Variants in PDE5A observed in about 807,000 individuals in gnomAD.
PDE5A encodes cGMP-specific 3',5'-cyclic phosphodiesterase.
A neutral mutation model predicts 110.2 loss-of-function variants in PDE5A; 67 were observed. That is an observed-to-expected ratio of 0.61 (90% CI 0.50 to 0.75). PDE5A has a LOEUF of 0.75. Ranked by LOEUF, PDE5A falls within the 30% of genes least tolerant of loss-of-function variation. The pLI is 0.00. For missense variants in PDE5A, 862 were observed against 1,045.1 expected (o/e 0.82, Z 2.42); for synonymous variants, 328 against 351.2 (o/e 0.93, Z 0.74).
intron 18 of PDE5A, 57 bp from the exon 19 acceptor site, chr4:119,502,712 A>G: frequency 8.6e-7 from 1 of 1,158,134 alleles, no homozygotes; most frequent in Non-Finnish European, 1.3e-6. Context: ...TCTTTAAAAC[A>G]GAGACCGTGA....
chr4:119,567,018 T>C (rs1464469571), intron 4 of PDE5A, 55 bp downstream of exon 4: 2 of 1,231,428 alleles, frequency 1.6e-6, no homozygotes, highest in East Asian at 2.3e-5. Flanking sequence ...GTGTATATAC[T>C]ATAAAGAGAA....
intron 1 of PDE5A, among the ~76,000 whole-genome samples, chr4:119,626,092 A>G (rs1320119101): frequency 6.6e-6 from 1 of 152,242 alleles, no homozygotes; most frequent in African/African-American, 2.4e-5. Flanking sequence ...ACATATATAT[A>G]TCACAGAAAG....
At chr4:119,556,355 T>C (rs183067236) in intron 7 of PDE5A, among the ~76,000 whole-genome samples, 149 of 152,232 alleles carry the variant, frequency 9.8e-4, no homozygotes, top group African/African-American at 3.4e-3. Flanking sequence ...CCCATCCTAC[T>C]GTTTAAAATG....
At chr4:119,626,972 C>T (rs1730369832) in intron 1 of PDE5A, among the ~76,000 whole-genome samples, 1 of 151,918 alleles carries the variant, frequency 6.6e-6, no homozygotes, top group South Asian at 2.1e-4. Context: ...AATTTAAGAC[C>T]CTTATTAATA....
At chr4:119,502,490 T>G (rs3733521) in intron 19 of PDE5A, 91 bp downstream of exon 19, 10,944 of 722,212 alleles carry the variant, frequency 0.015, 503 homozygotes, top group East Asian at 0.14. Flanking sequence ...ATTGTGGTCC[T>G]AAGGAAAGAT....
At chr4:119,589,589 G>A (rs1205331625) in intron 3 of PDE5A, among the ~76,000 whole-genome samples, 1 of 152,116 alleles carries the variant, frequency 6.6e-6, no homozygotes, top group Non-Finnish European at 1.5e-5. Context: ...AAATTTAATA[G>A]CAGCCGTAAA....
chr4:119,511,332 T>C (rs1304108314), intron 14 of PDE5A, among the ~76,000 whole-genome samples, 198 bp from the exon 15 acceptor site: 1 of 152,046 alleles, frequency 6.6e-6, no homozygotes, highest in African/African-American at 2.4e-5. Flanking sequence ...TGTTTTCAAA[T>C]ACCAATGTGA....
intron 11 of PDE5A, among the ~76,000 whole-genome samples, chr4:119,530,463 A>G (rs1726489445): frequency 6.6e-6 from 1 of 152,278 alleles, no homozygotes; most frequent in East Asian, 1.9e-4. Context: ...GAAGGAGTGG[A>G]GCACCAAGAA....
At chr4:119,502,439 T>C (rs1405292517) in intron 19 of PDE5A, 142 bp downstream of exon 19, 1 of 551,300 alleles carries the variant, frequency 1.8e-6, no homozygotes, top group Admixed American at 3.6e-5. Flanking sequence ...ACATGTATAA[T>C]TCTTCCAATG....
intron 20 of PDE5A, 50 bp downstream of exon 20, chr4:119,501,120 A>AATTC (rs756018279): frequency 8.9e-7 from 1 of 1,121,698 alleles, no homozygotes; most frequent in South Asian, 1.3e-5. Context: ...TTTAGGTTCT[A>AATTC]ATTCACAACA....
At chr4:119,628,374 G>T in intron 1 of PDE5A, 146 bp downstream of exon 1, 1 of 543,188 alleles carries the variant, frequency 1.8e-6, no homozygotes, top group Non-Finnish European at 3.2e-6. Flanking sequence ...TTTCGACTGT[G>T]CTCGCTTAGA....
chr4:119,616,743 A>G (rs74652316), intron 1 of PDE5A, among the ~76,000 whole-genome samples: 2 of 1,550 alleles, frequency 1.3e-3, no homozygotes, highest in Admixed American at 0.017. Flanking sequence ...GTGAATGATA[A>G]AAAAAAAAAA....
At position 119,511,044 on chromosome 4, in the gene PDE5A, T is replaced by TA. The variant is rs1725726663; in HGVS notation, c.2088+2dup. 6.5e-7 allele frequency: 1 copy of TA among 1,528,566 alleles called. No individual in the cohort carries two copies. Among genetic ancestry groups the TA allele is most frequent in the African/African-American group, 1.4e-5 (1 of 73,200 alleles). 94.7% of individuals were successfully genotyped at this position (1,528,566 alleles called of 1,614,324 possible). On this transcript the variant is annotated splice_region_variant and intron_variant, in intron 15 of 20. Transcript: ENST00000354960. ...ATTCCACAACAATAAATTAGGTACTTACTGGACTATTAAGAATCATCAGGC... is the reference window on the plus strand; with the variant it reads ...ATTCCACAACAATAAATTAGGTACTTAACTGGACTATTAAGAATCATCAGGC...
chr4:119,538,893 A>ATTTAGATGGATACTTATAAAAATG, intron 11 of PDE5A, 67 bp downstream of exon 11: 2 of 1,122,408 alleles, frequency 1.8e-6, no homozygotes, highest in Non-Finnish European at 2.7e-6. Context: ...CCATCTAAAT[A>ATTTAGATGGATACTTATAAAAATG]TTTACCAAAT....
chr4:119,514,004 T>C (rs1725829882), intron 14 of PDE5A, among the ~76,000 whole-genome samples: 1 of 152,164 alleles, frequency 6.6e-6, no homozygotes, highest in South Asian at 2.1e-4. Context: ...GTATTCTCTA[T>C]CTGTTGTATT....
intron 3 of PDE5A, among the ~76,000 whole-genome samples, chr4:119,568,582 C>A (rs1406999535): frequency 6.6e-6 from 1 of 152,018 alleles, no homozygotes; most frequent in South Asian, 2.1e-4. Context: ...AGACTTATAG[C>A]GTAGTAGGAT....
At chr4:119,551,309 A>G (rs1182889854) in intron 9 of PDE5A, among the ~76,000 whole-genome samples, 1 of 152,226 alleles carries the variant, frequency 6.6e-6, no homozygotes, top group Non-Finnish European at 1.5e-5. Flanking sequence ...CAGGGCAACC[A>G]GTATATTTGA....
At chr4:119,603,814 C>T (rs1475231171) in intron 2 of PDE5A, among the ~76,000 whole-genome samples, 5 of 152,062 alleles carry the variant, frequency 3.3e-5, no homozygotes, top group Non-Finnish European at 7.4e-5. Flanking sequence ...AAGTGGTCTA[C>T]GATCAAATAA....
chr4:119,548,878 T>C (rs1195374101), intron 9 of PDE5A: 1 of 152,208 alleles, frequency 6.6e-6, no homozygotes, highest in Non-Finnish European at 1.5e-5. Context: ...GGAAAAAACC[T>C]GGATACTTTA....
Sources: allele counts gnomAD v4.1 joint callset (sites outside exome capture counted in the v4.1 genomes callset), GRCh38; gene constraint gnomAD v4.1.1; transcripts MANE v1.5; gene names NCBI Gene and HGNC (gene_info 2026-07-23, HGNC 2026-07-21).